Variants in RBFOX1 observed in about 807,000 individuals in gnomAD.
RBFOX1 encodes RNA binding protein fox-1 homolog 1.
A neutral mutation model predicts 57.7 loss-of-function variants in RBFOX1; 8 were observed. The observed-to-expected ratio is 0.14, with a 90% CI of 0.08 to 0.25. RBFOX1 has a LOEUF of 0.25. Ranked by LOEUF, RBFOX1 falls within the 10% of genes least tolerant of loss-of-function variation. The pLI, the probability that RBFOX1 is intolerant of heterozygous loss-of-function variation, is 1.00. For synonymous variants in RBFOX1, 326 were observed against 222.4 expected (o/e 1.47, Z -4.15); for missense variants, 611 against 548.5 (o/e 1.11, Z -1.14).
At chr16:5,541,326 A>T (rs562859888) in intron 2 of RBFOX1, among the ~76,000 whole-genome samples, 8 of 152,130 alleles carry the variant, frequency 5.3e-5, no homozygotes, top group Non-Finnish European at 8.8e-5. Flanking sequence ...TATTTTGTCA[A>T]GGTTGAGGAC....
At chr16:5,467,909 TC>T (rs1263460408) in intron 2 of RBFOX1, among the ~76,000 whole-genome samples, 1 of 152,206 alleles carries the variant, frequency 6.6e-6, no homozygotes, top group Non-Finnish European at 1.5e-5. Context: ...CAAGATAGCA[TC>T]TTTTTATTAT....
At chr16:6,775,121 C>T (rs1353959589) in intron 3 of RBFOX1, among the ~76,000 whole-genome samples, 2 of 150,442 alleles carry the variant, frequency 1.3e-5, no homozygotes, top group Non-Finnish European at 1.5e-5. Context: ...GTCAGGAGAT[C>T]CAGACCATCC....
chr16:7,299,028 C>G (rs893397080), intron 4 of RBFOX1, among the ~76,000 whole-genome samples: 4 of 152,160 alleles, frequency 2.6e-5, no homozygotes, highest in African/African-American at 9.7e-5. Flanking sequence ...GTATCTACCT[C>G]AAATATTTCA....
At chr16:6,778,127 G>T (rs571178816) in intron 3 of RBFOX1, among the ~76,000 whole-genome samples, 1 of 151,926 alleles carries the variant, frequency 6.6e-6, no homozygotes, top group Non-Finnish European at 1.5e-5. Context: ...TGGATGCGCA[G>T]TGCGATTAAA....
At chr16:7,069,791 C>G (rs1046237993) in intron 4 of RBFOX1, among the ~76,000 whole-genome samples, 7 of 152,084 alleles carry the variant, frequency 4.6e-5, no homozygotes, top group South Asian at 4.1e-4. Context: ...GGCACTTGCT[C>G]GTTAACAAAA....
At chr16:6,623,372 A>G (rs1262965862) in intron 2 of RBFOX1, among the ~76,000 whole-genome samples, 1 of 152,118 alleles carries the variant, frequency 6.6e-6, no homozygotes, top group African/African-American at 2.4e-5. Context: ...ATGACAGCTC[A>G]AGTGTTCTGA....
chr16:6,182,151 A>T (rs190920931), intron 1 of RBFOX1, among the ~76,000 whole-genome samples: 2 of 152,326 alleles, frequency 1.3e-5, no homozygotes, highest in Non-Finnish European at 2.9e-5. Context: ...AGATCCTATC[A>T]CATTATTAAG....
intron 1 of RBFOX1, among the ~76,000 whole-genome samples, chr16:5,354,534 G>C (rs1162859731): frequency 6.6e-6 from 1 of 152,184 alleles, no homozygotes; most frequent in Non-Finnish European, 1.5e-5. Context: ...CCGCAATGTG[G>C]GGCCCAGCAG....
intron 5 of RBFOX1, among the ~76,000 whole-genome samples, chr16:7,573,322 C>G (rs2092986583): frequency 6.6e-6 from 1 of 152,178 alleles, no homozygotes; most frequent in Non-Finnish European, 1.5e-5. Context: ...GCCGAGAACA[C>G]TGAACCTTAT....
chr16:6,623,027 C>G (rs540612066), intron 2 of RBFOX1, among the ~76,000 whole-genome samples: 2 of 152,278 alleles, frequency 1.3e-5, no homozygotes, highest in South Asian at 2.1e-4. Context: ...TTTACAAAGC[C>G]TCTTTGGCAA....
intron 4 of RBFOX1, among the ~76,000 whole-genome samples, chr16:5,990,676 A>G (rs780403653): frequency 2.6e-5 from 4 of 152,116 alleles, no homozygotes; most frequent in African/African-American, 7.2e-5. Flanking sequence ...GTAAAGAGGA[A>G]GTGAATTTGG....
chr16:6,780,372 G>C lies in RBFOX1; in HGVS notation c.-16+125722G>C, dbSNP rs1320455720. 4.9e-4 allele frequency among the ~76,000 whole-genome samples: 40 copies of C among 82,418 alleles called. 1 individual carries two copies. The South Asian group carries it at 0.015, about 32-fold the overall frequency. The allele number at this position is 82,418 out of a possible 152,430, so 54.1% of individuals were successfully genotyped here. A position where few individuals can be genotyped will look rare whatever the true frequency, so the allele number is the denominator to read the frequency against. ...ATACATATTTATATACATATTTATA[G>C]ATATATTTATACATATTATATATAT... On this transcript the variant is annotated intron_variant, in intron 3 of 15. Transcript: ENST00000550418.
intron 2 of RBFOX1, among the ~76,000 whole-genome samples, chr16:6,648,396 C>A (rs997847613): frequency 6.6e-6 from 1 of 152,002 alleles, no homozygotes; most frequent in African/African-American, 2.4e-5. Flanking sequence ...TTGCAGACTC[C>A]ACGTTGACTA....
chr16:5,927,361 C>T (rs1245044459), intron 4 of RBFOX1, among the ~76,000 whole-genome samples: 2 of 152,212 alleles, frequency 1.3e-5, no homozygotes, highest in Admixed American at 6.5e-5. Context: ...AAATTACTTT[C>T]TCACTCTAGG....
chr16:7,655,351 G>C (rs879281307), intron 12 of RBFOX1, among the ~76,000 whole-genome samples: 3 of 152,132 alleles, frequency 2.0e-5, no homozygotes, highest in Non-Finnish European at 4.4e-5. Context: ...GAGCTTCTTG[G>C]ACAAAACAAG....
In RBFOX1 at chr16:7,151,299, A is replaced by G. The variant is rs143440635; in HGVS notation, c.27+99201A>G. ...CAGAATGGTTCTGATTACAGTCAAC[A>G]GAAACCAAATTCCAACGTATTTAAA... On this transcript the variant is annotated intron_variant, in intron 4 of 15. Transcript: ENST00000550418. 7.5e-3 allele frequency among the ~76,000 whole-genome samples: 1,136 copies of G among 152,344 alleles called. 13 individuals carry two copies. Among genetic ancestry groups the G allele is most frequent in the Non-Finnish European group, 0.012 (792 of 68,036 alleles).
At position 5,559,829 on chromosome 16, in the gene RBFOX1, A is replaced by C. The variant is rs72763218; in HGVS notation, c.259-39073A>C. On this transcript the variant is annotated intron_variant, in intron 2 of 2. Transcript: ENST00000585867. ...ACTGCTTCCAGGATGTGCACGGACT[A>C]GCCCCTGCCTACTTCTGCAAGCTCA... 4.9e-4 allele frequency among the ~76,000 whole-genome samples: 75 copies of C among 152,288 alleles called. 1 individual carries two copies. The highest frequency in any genetic ancestry group is 1.9e-3 in the South Asian group (9 of 4,820).
chr16:6,325,038 C>G (rs1030269497), intron 2 of RBFOX1, among the ~76,000 whole-genome samples: 3 of 152,090 alleles, frequency 2.0e-5, no homozygotes, highest in African/African-American at 7.2e-5. Context: ...ATTTGATCTA[C>G]ATTCATGGGT....
intron 1 of RBFOX1, among the ~76,000 whole-genome samples, chr16:5,336,977 C>T (rs1474329446): frequency 1.3e-5 from 2 of 152,228 alleles, no homozygotes. Flanking sequence ...TGCTAGAGCT[C>T]CGGGAGATTT....
Sources: gnomAD v4.1 joint callset for allele counts (sites outside exome capture counted in the v4.1 genomes callset) on GRCh38, gnomAD v4.1.1 for gene constraint, MANE v1.5 for transcripts, NCBI Gene and HGNC (gene_info 2026-07-23, HGNC 2026-07-21) for gene names.